SETBP1: variants seen among roughly 807,000 people sequenced by gnomAD.
SETBP1 encodes SET-binding protein.
A neutral mutation model predicts 101.0 loss-of-function variants in SETBP1; 9 were observed. That is an observed-to-expected ratio of 0.09 (90% CI 0.05 to 0.16). The LOEUF (loss-of-function observed/expected upper bound fraction) is 0.16, where lower values mean the gene tolerates loss of function less well. Ranked by LOEUF, SETBP1 falls within the 10% of genes least tolerant of loss-of-function variation. SETBP1 has a pLI of 1.00. For missense variants in SETBP1, 1,858 were observed against 2,033.8 expected (o/e 0.91, Z 1.66); for synonymous variants, 818 against 788.5 (o/e 1.04, Z -0.63).
rs138559639 is a variant in SETBP1 at position 44,906,322 on chromosome 18, T to C, written c.540+37039T>C. On this transcript the variant is annotated intron_variant, in intron 3 of 5. Transcript: ENST00000649279. The stretch of plus-strand genomic sequence containing the variant: ...TATCCTTTTTCTCTTCTGATAGTAG[T>C]CCTAGCAGCCACTAAAGTGACTAGC... Among the ~76,000 whole-genome samples the C allele has an allele frequency of 4.7e-3, 714 of 152,312 alleles. 6 individuals are homozygous for C. The highest frequency in any genetic ancestry group is 0.016 in the African/African-American group (685 of 41,560).
At chr18:44,943,292 G>T (rs940555386) in intron 3 of SETBP1, among the ~76,000 whole-genome samples, 1 of 152,180 alleles carries the variant, frequency 6.6e-6, no homozygotes, top group African/African-American at 2.4e-5. Flanking sequence ...GGTCTGTTCT[G>T]TTGGGGGTTT....
rs58524154 is a variant in SETBP1 at position 44,869,308 on chromosome 18, A to C, written c.540+25A>C. 870 of 1,608,708 alleles carry C rather than the reference A, an allele frequency of 5.4e-4. 7 individuals carry two copies. The African/African-American group carries it at 0.01, about 19-fold the overall frequency. ...GGTAAGTTCCACTGATGCTTTTAAG[A>C]AGTTTGGAAGAGTAAAATGATCCAG... On this transcript the variant is annotated intron_variant, in intron 3 of 5. Coordinates refer to ENST00000649279, the MANE Select transcript of SETBP1 (RefSeq NM_015559.3).
At chr18:45,033,379 G>GC in intron 4 of SETBP1, among the ~76,000 whole-genome samples, 1 of 152,180 alleles carries the variant, frequency 6.6e-6, no homozygotes, top group African/African-American at 2.4e-5. Flanking sequence ...TTCCTTGTTC[G>GC]TAAATTAGGA....
At chr18:44,874,695 A>C (rs1272157615) in intron 3 of SETBP1, among the ~76,000 whole-genome samples, 1 of 152,184 alleles carries the variant, frequency 6.6e-6, no homozygotes, top group Non-Finnish European at 1.5e-5. Context: ...TGTTCAGAGG[A>C]GGAAGGCTCA....
chr18:45,002,030 A>G (rs2145336183), intron 4 of SETBP1, among the ~76,000 whole-genome samples: 1 of 152,278 alleles, frequency 6.6e-6, no homozygotes, highest in East Asian at 1.9e-4. Context: ...CACAGATCCG[A>G]AAAGTCTGGA....
At chr18:45,008,413 A>G (rs1420245650) in intron 4 of SETBP1, among the ~76,000 whole-genome samples, 1 of 152,202 alleles carries the variant, frequency 6.6e-6, no homozygotes, top group Non-Finnish European at 1.5e-5. Flanking sequence ...TCATGAATGT[A>G]TCAGAGTTAA....
At chr18:44,690,126 G>C (rs188284857) in intron 1 of SETBP1, among the ~76,000 whole-genome samples, 1 of 152,280 alleles carries the variant, frequency 6.6e-6, no homozygotes, top group East Asian at 1.9e-4. Flanking sequence ...AATGGGGATG[G>C]GCCGCTCTGG....
chr18:44,687,675 C>G (rs73952910), intron 1 of SETBP1, among the ~76,000 whole-genome samples: 1,637 of 152,214 alleles, frequency 0.011, 24 homozygotes, highest in African/African-American at 0.038. Flanking sequence ...CAGACAAAGA[C>G]AGTTTCTAGG....
At chr18:44,929,847 G>T (rs556463575) in intron 3 of SETBP1, among the ~76,000 whole-genome samples, 1 of 152,216 alleles carries the variant, frequency 6.6e-6, no homozygotes, top group East Asian at 1.9e-4. Context: ...TGAGATGATG[G>T]GGTTTTCTAG....
At chr18:44,988,179 G>A (rs962691591) in intron 4 of SETBP1, 21 of 152,184 alleles carry the variant, frequency 1.4e-4, no homozygotes, top group African/African-American at 2.2e-4. Flanking sequence ...CCTAGGATTT[G>A]AAAAGCGGCA....
intron 4 of SETBP1, among the ~76,000 whole-genome samples, chr18:45,014,922 C>T (rs1189811580): frequency 1.3e-5 from 2 of 152,196 alleles, no homozygotes; most frequent in Non-Finnish European, 2.9e-5. Context: ...GAAGTCTTGG[C>T]TATACCTATT....
intron 2 of SETBP1, among the ~76,000 whole-genome samples, chr18:44,814,578 T>G (rs984026497): frequency 6.6e-6 from 1 of 152,178 alleles, no homozygotes; most frequent in African/African-American, 2.4e-5. Context: ...CTAAATAAAA[T>G]TCCTTCTCTA....
chr18:44,941,228 T>C (rs2071083296), intron 3 of SETBP1, among the ~76,000 whole-genome samples: 1 of 151,828 alleles, frequency 6.6e-6, no homozygotes, highest in Non-Finnish European at 1.5e-5. Flanking sequence ...ATTACAGGCA[T>C]GCACCACAAC....
intron 2 of SETBP1, among the ~76,000 whole-genome samples, chr18:44,852,370 T>A (rs1188338461): frequency 1.3e-5 from 2 of 152,206 alleles, no homozygotes; most frequent in Non-Finnish European, 2.9e-5. Context: ...TGCCCCCACG[T>A]TCTGCACCAT....
chr18:44,865,404 C>T lies in SETBP1; in HGVS notation c.487-3826C>T, dbSNP rs1276004312. Among the ~76,000 whole-genome samples, 3 of 152,162 alleles carry T rather than the reference C, an allele frequency of 2.0e-5. No homozygotes were observed. The East Asian group carries it at 5.8e-4, about 29-fold the overall frequency. On this transcript the variant is annotated intron_variant, in intron 2 of 5. Coordinates refer to ENST00000649279, the MANE Select transcript of SETBP1 (RefSeq NM_015559.3). ...CCCAGTTTCCCAGCAGAGGTGGCTC[C>T]TGAGCCCACTGGGGACACAATGATT...
intron 2 of SETBP1, among the ~76,000 whole-genome samples, chr18:44,801,145 C>G (rs938998291): frequency 6.6e-6 from 1 of 151,732 alleles, no homozygotes; most frequent in Non-Finnish European, 1.5e-5. Context: ...GTAGGAGGAG[C>G]GGGGAGGGAT....
chr18:44,845,502 C>G (rs905688986), intron 2 of SETBP1, among the ~76,000 whole-genome samples: 1 of 152,230 alleles, frequency 6.6e-6, no homozygotes, highest in African/African-American at 2.4e-5. Flanking sequence ...AGTCTCTGGT[C>G]TCTGGGTGAT....
intron 3 of SETBP1, among the ~76,000 whole-genome samples, chr18:44,916,247 A>G (rs1397777642): frequency 6.6e-6 from 1 of 151,902 alleles, no homozygotes; most frequent in Non-Finnish European, 1.5e-5. Context: ...TCTCTTAACT[A>G]CTCTCTTTTT....
chr18:44,973,561 A>G (rs1161027425), intron 4 of SETBP1, among the ~76,000 whole-genome samples: 2 of 152,202 alleles, frequency 1.3e-5, no homozygotes, highest in African/African-American at 4.8e-5. Context: ...GTGTGGGGCC[A>G]TTGGGGGCAA....
Sources: gnomAD v4.1 joint callset for allele counts (sites outside exome capture counted in the v4.1 genomes callset) on GRCh38, gnomAD v4.1.1 for gene constraint, MANE v1.5 for transcripts, NCBI Gene and HGNC (gene_info 2026-07-23, HGNC 2026-07-21) for gene names.